Variants in IL26 observed in about 807,000 individuals in gnomAD.
IL26 encodes the protein interleukin-26.
In IL26, 23 loss-of-function variants were observed where a neutral mutation model predicts 21.7. The ratio of observed to expected loss-of-function variants is 1.06; its 90% confidence interval spans 0.76 to 1.50. The LOEUF is 1.50. IL26 is among the 40% of genes most tolerant of loss of function. IL26 has a pLI of 0.00. For synonymous variants in IL26, 63 were observed against 67.8 expected, an observed-to-expected ratio of 0.93 and a Z score of 0.34; for missense variants, 204 against 196.0, an observed-to-expected ratio of 1.04 and a Z score of -0.24.
At chr12:68,204,758 C>G (rs1003085042) in intron 3 of IL26, among the ~76,000 whole-genome samples, 2 of 152,114 alleles carry the variant, frequency 1.3e-5, no homozygotes, top group Non-Finnish European at 2.9e-5. Context: ...TTCCCGGTGC[C>G]TTGAGCACTG....
At chr12:68,212,135 G>C (rs1375564778) in intron 3 of IL26, among the ~76,000 whole-genome samples, 1 of 152,062 alleles carries the variant, frequency 6.6e-6, no homozygotes, top group East Asian at 1.9e-4. Flanking sequence ...TGAAGAGACT[G>C]TTCTTTCCCT....
intron 3 of IL26, among the ~76,000 whole-genome samples, chr12:68,216,105 A>C (rs1163456515): frequency 6.6e-6 from 1 of 151,678 alleles, no homozygotes; most frequent in Admixed American, 6.6e-5. Context: ...ATCCTGGCCA[A>C]CATGGTGAAA....
chr12:68,204,141 ATTTTTTT>A (rs6144754), intron 3 of IL26, among the ~76,000 whole-genome samples: 1 of 113,216 alleles, frequency 8.8e-6, no homozygotes, highest in Non-Finnish European at 1.8e-5. Context: ...GGATTCAAAG[ATTTTTTT>A]TTTTTTTTTT....
rs1223922496 is a variant in IL26 at position 68,204,689 on chromosome 12, A to T, written c.364-2606T>A. 2.3e-5 allele frequency among the ~76,000 whole-genome samples: 3 copies of T among 130,106 alleles called. No homozygotes were observed. The East Asian group carries it at 1.3e-3, about 56-fold the overall frequency. The allele number at this position is 130,106 out of a possible 152,430, so 85.4% of individuals were successfully genotyped here. ...AAAGGAGGAAAACACTGTTCAATTA[A>T]AAAAAAAAACTAGCAGTGCCAGTGT... On this transcript the variant is annotated intron_variant, in intron 3 of 4. Coordinates refer to ENST00000229134, the MANE Select transcript of IL26 (RefSeq NM_018402.2).
At position 68,225,490 on chromosome 12, in the gene IL26, A is replaced by G. The variant is rs1420780937; in HGVS notation, c.182T>C (p.Ile61Thr). The G allele has an allele frequency of 2.2e-5, 35 of 1,593,528 alleles. No individual in the cohort carries two copies. Among genetic ancestry groups the G allele is most frequent in the South Asian group, 3.3e-5 (3 of 90,214 alleles). ...WLKATIPEDRIKNIRLLKKKT... is the reference protein window; with the variant it reads ...WLKATIPEDRTKNIRLLKKKT... The stretch of plus-strand genomic sequence containing the variant: ...CTTTTTTAATAATCGTATATTTTTT[A>G]TGCGGTCTTCCTACAATAATACAAA... Residue 61 changes from isoleucine (I) to threonine (T), a missense_variant, in exon 2 of 5, where the codon ATA (isoleucine) becomes ACA (threonine). Coordinates refer to ENST00000229134, the MANE Select transcript of IL26 (RefSeq NM_018402.2).
At chr12:68,223,756 A>G (rs1196765042) in intron 3 of IL26, among the ~76,000 whole-genome samples, 4 of 152,136 alleles carry the variant, frequency 2.6e-5, no homozygotes, top group Non-Finnish European at 4.4e-5. Flanking sequence ...ATCAATTTGT[A>G]ATTTCTTTTT....
chr12:68,219,325 A>G (rs1868981483), intron 3 of IL26, among the ~76,000 whole-genome samples: 1 of 152,064 alleles, frequency 6.6e-6, no homozygotes, highest in Admixed American at 6.5e-5. Context: ...CAAGTCATAC[A>G]AAGTATGGTC....
Position 68,225,173 on chromosome 12 carries a change from G to C in IL26, c.339C>G (p.Ser113Arg), listed in dbSNP as rs148742560. ...CACAGTGGCTCAATTTCTGCCTAAG[G>C]CTATGAAAGTCCTCCACAAAGCGTA... is the stretch of plus-strand genomic sequence containing the variant. ...KKIRFVEDFH[S>R]LRQKLSHCIS... Residue 113 changes from serine to arginine, a missense_variant, in exon 3 of 5, where the codon AGC becomes AGG. Coordinates refer to ENST00000229134, the MANE Select transcript of IL26 (RefSeq NM_018402.2). 4 of 1,612,780 alleles carry C rather than the reference G, an allele frequency of 2.5e-6. No homozygotes were observed. The highest frequency in any genetic ancestry group is 3.4e-6 in the Non-Finnish European group (4 of 1,179,636).
intron 3 of IL26, among the ~76,000 whole-genome samples, chr12:68,210,661 A>G (rs894381388): frequency 6.6e-6 from 1 of 152,130 alleles, no homozygotes; most frequent in Non-Finnish European, 1.5e-5. Flanking sequence ...TCATTATCCA[A>G]TTTCTATATT....
At chr12:68,220,324 T>G (rs1869010414) in intron 3 of IL26, among the ~76,000 whole-genome samples, 1 of 152,128 alleles carries the variant, frequency 6.6e-6, no homozygotes, top group Non-Finnish European at 1.5e-5. Flanking sequence ...TTAAATCTAG[T>G]GATGTATGAA....
In IL26 at chr12:68,225,228, C is replaced by G. The variant is rs767404352; in HGVS notation, c.284G>C (p.Gly95Ala). 5 of 1,613,590 alleles carry G rather than the reference C, an allele frequency of 3.1e-6. No individual in the cohort carries two copies. The Admixed American group carries it at 5.0e-5, about 16-fold the overall frequency. ...LLSFFMEDVF[G>A]QLQLQGCKKI... The stretch of plus-strand genomic sequence containing the variant: ...CTTGCAGCCTTGCAATTGCAGTTGA[C>G]CAAAAACGTCTTCCATGAAGAAGGA... Residue 95 changes from glycine to alanine, a missense_variant, in exon 3 of 5, where the codon GGT becomes GCT. Coordinates refer to ENST00000229134, the MANE Select transcript of IL26 (RefSeq NM_018402.2).
At chr12:68,220,051 C>T (rs983312901) in intron 3 of IL26, among the ~76,000 whole-genome samples, 31 of 152,008 alleles carry the variant, frequency 2.0e-4, no homozygotes, top group African/African-American at 7.2e-4. Context: ...AACCTTGCAT[C>T]TACTAAAAAA....
At chr12:68,221,670 A>C (rs4411342) in intron 3 of IL26, among the ~76,000 whole-genome samples, 14,868 of 152,276 alleles carry the variant, frequency 0.098, 831 homozygotes, top group Admixed American at 0.12. Flanking sequence ...TGAAATAGAT[A>C]TTGATCATCT....
chr12:68,209,480 G>T (rs527479017), intron 3 of IL26, among the ~76,000 whole-genome samples: 4 of 152,328 alleles, frequency 2.6e-5, no homozygotes, highest in African/African-American at 7.2e-5. Context: ...GGGAGAGCAA[G>T]GAGCCGACAA....
chr12:68,205,178 T>G (rs757807249), intron 3 of IL26, among the ~76,000 whole-genome samples: 4 of 152,180 alleles, frequency 2.6e-5, no homozygotes, highest in Non-Finnish European at 5.9e-5. Flanking sequence ...TATCACATAC[T>G]TACTATATGC....
chr12:68,224,228 C>A lies in IL26; in HGVS notation c.363+921G>T, dbSNP rs529479445. ...GACCCCAACCAAGGGCACAGAAAAGCTTCAATATTCCCCACAGAGGCAACT... is the reference window on the plus strand; with the variant it reads ...GACCCCAACCAAGGGCACAGAAAAGATTCAATATTCCCCACAGAGGCAACT... On this transcript the variant is annotated intron_variant, in intron 3 of 4. Transcript: ENST00000229134. Among the ~76,000 whole-genome samples the A allele has an allele frequency of 1.1e-4, 17 of 152,278 alleles. No individual in the cohort carries two copies. In the South Asian group the frequency reaches 3.3e-3, roughly 30 times the overall value.
chr12:68,206,970 A>T (rs1320520140), intron 3 of IL26, among the ~76,000 whole-genome samples: 1 of 152,044 alleles, frequency 6.6e-6, no homozygotes, highest in Admixed American at 6.6e-5. Context: ...TAGATCCTTC[A>T]TCTTTCTTTT....
At chr12:68,219,031 A>T (rs1334531331) in intron 3 of IL26, among the ~76,000 whole-genome samples, 1 of 152,006 alleles carries the variant, frequency 6.6e-6, no homozygotes, top group Non-Finnish European at 1.5e-5. Context: ...GTACCTAATA[A>T]CAGAAATTCA....
intron 3 of IL26, among the ~76,000 whole-genome samples, chr12:68,212,573 T>C (rs902024025): frequency 3.9e-5 from 6 of 152,166 alleles, no homozygotes; most frequent in Non-Finnish European, 8.8e-5. Flanking sequence ...CATTGTTTTA[T>C]ACACAATTTC....
Sources: gnomAD v4.1 joint callset for allele counts (sites outside exome capture counted in the v4.1 genomes callset) on GRCh38, gnomAD v4.1.1 for gene constraint, MANE v1.5 for transcripts, NCBI Gene and HGNC (gene_info 2026-07-23, HGNC 2026-07-21) for gene names.